The following MKLN1 variants were observed in gnomAD, a reference collection of about 807,000 sequenced individuals.
MKLN1 encodes muskelin.
Under a neutral mutation model 99.0 loss-of-function variants are expected in MKLN1, and 18 were observed. The observed-to-expected ratio is 0.18, with a 90% CI of 0.13 to 0.27. The LOEUF is 0.27. Among genes scored for constraint, MKLN1 ranks in the 10% least tolerant of loss-of-function variants. The pLI, the probability that MKLN1 is intolerant of heterozygous loss-of-function variation, is 1.00. For synonymous variants in MKLN1, 288 were observed against 293.2 expected, an observed-to-expected ratio of 0.98 and a Z score of 0.18; for missense variants, 621 against 875.9, an observed-to-expected ratio of 0.71 and a Z score of 3.67.
chr7:131,370,408 A>G (rs1800311973), intron 1 of MKLN1, among the ~76,000 whole-genome samples: 1 of 146,948 alleles, frequency 6.8e-6, no homozygotes, highest in African/African-American at 2.5e-5. Context: ...TAAAGTCTTT[A>G]ATTCTTACTT....
chr7:131,430,298 T>TTA (rs1795485530), intron 9 of MKLN1, among the ~76,000 whole-genome samples: 1 of 152,078 alleles, frequency 6.6e-6, no homozygotes, highest in Non-Finnish European at 1.5e-5. Flanking sequence ...GTCCAGGGAT[T>TTA]AATCACTGGA....
intron 16 of MKLN1, among the ~76,000 whole-genome samples, chr7:131,476,514 T>C (rs1019774172): frequency 1.3e-5 from 2 of 152,086 alleles, no homozygotes; most frequent in Non-Finnish European, 2.9e-5. Context: ...AGTGAACAAT[T>C]AGAAAATGAA....
chr7:131,356,162 A>T (rs1402381557), intron 1 of MKLN1, among the ~76,000 whole-genome samples: 1 of 149,644 alleles, frequency 6.7e-6, no homozygotes, highest in African/African-American at 2.5e-5. Flanking sequence ...CGGCAGCTTG[A>T]CCTCTTGACT....
intron 6 of MKLN1, among the ~76,000 whole-genome samples, chr7:131,403,079 A>T (rs1231139874): frequency 6.6e-6 from 1 of 152,190 alleles, no homozygotes; most frequent in Non-Finnish European, 1.5e-5. Flanking sequence ...TTCTTCCAAT[A>T]GAAGTCTATT....
At chr7:131,376,281 A>G (rs371803988) in intron 2 of MKLN1, among the ~76,000 whole-genome samples, 2 of 149,772 alleles carry the variant, frequency 1.3e-5, no homozygotes, top group East Asian at 3.9e-4. Flanking sequence ...TCTGGTGCAT[A>G]AGGAGGCGAG....
chr7:131,278,293 C>T (rs1051067986), intron 3 of MKLN1, among the ~76,000 whole-genome samples: 1 of 152,166 alleles, frequency 6.6e-6, no homozygotes, highest in Non-Finnish European at 1.5e-5. Context: ...CCACCTCGGC[C>T]TTCCAAAATG....
intron 2 of MKLN1, among the ~76,000 whole-genome samples, chr7:131,191,717 CTT>C (rs566378729): frequency 1.0e-4 from 14 of 137,760 alleles, no homozygotes; most frequent in East Asian, 2.0e-4. Flanking sequence ...CTTTTTTTTC[CTT>C]TTTTTTTTTT....
intron 16 of MKLN1, among the ~76,000 whole-genome samples, chr7:131,474,740 C>A (rs1562884807): frequency 6.6e-6 from 1 of 151,846 alleles, no homozygotes; most frequent in African/African-American, 2.4e-5. Flanking sequence ...ATTGATAAAC[C>A]CCAAGCAAGA....
intron 2 of MKLN1, among the ~76,000 whole-genome samples, chr7:131,383,702 T>C (rs563514260): frequency 1.4e-3 from 220 of 152,332 alleles, no homozygotes; most frequent in African/African-American, 4.8e-3. Flanking sequence ...TACCCTGTTA[T>C]TGAAGTCAGA....
At chr7:131,444,813 GTAGTAGTA>G (rs1795959815) in intron 11 of MKLN1, among the ~76,000 whole-genome samples, 2 of 149,480 alleles carry the variant, frequency 1.3e-5, no homozygotes, top group Non-Finnish European at 3.0e-5. Flanking sequence ...AGTAGTAGTA[GTAGTAGTA>G]GAAGTGGAAG....
intron 9 of MKLN1, among the ~76,000 whole-genome samples, chr7:131,435,703 C>G (rs563768178): frequency 8.7e-4 from 133 of 152,122 alleles, no homozygotes; most frequent in African/African-American, 3.1e-3. Flanking sequence ...AGTATTCTCT[C>G]TCTTTTCATT....
rs959185610 is a variant in MKLN1 at position 131,487,981 on chromosome 7, AT to A, written c.*259del. On this transcript the variant is annotated 3_prime_UTR_variant, in exon 18 of 18. Coordinates refer to ENST00000352689, the MANE Select transcript of MKLN1 (RefSeq NM_013255.5). This position sits in a 1 kb window ranked among gnomAD's most constrained non-coding sequence, Gnocchi z 4.7. ...TCCAGTTAAATATATATATATATAT[AT>A]TTTTTCTTACTTTATCTTTTAAGAA... 8 of 169,734 alleles carry A rather than the reference AT, an allele frequency of 4.7e-5. No individual in the cohort carries two copies. Among genetic ancestry groups the A allele is most frequent in the African/African-American group, 9.6e-5 (4 of 41,656 alleles). The allele number at this position is 169,734 out of a possible 1,614,324, so 10.5% of individuals were successfully genotyped here. A position where few individuals can be genotyped will look rare whatever the true frequency, so the allele number is the denominator to read the frequency against.
intron 6 of MKLN1, among the ~76,000 whole-genome samples, chr7:131,403,348 G>A (rs1165651270): frequency 6.6e-6 from 1 of 152,154 alleles, no homozygotes; most frequent in Non-Finnish European, 1.5e-5. Flanking sequence ...TTAAGGCCAT[G>A]CTTTAGATTA....
At chr7:131,417,467 C>T (rs1033479452) in intron 8 of MKLN1, among the ~76,000 whole-genome samples, 1 of 152,246 alleles carries the variant, frequency 6.6e-6, no homozygotes, top group South Asian at 2.1e-4. Flanking sequence ...ATTTAATATA[C>T]AGTTGTCTGT....
At chr7:131,363,526 C>T (rs1439664372) in intron 1 of MKLN1, among the ~76,000 whole-genome samples, 2 of 152,040 alleles carry the variant, frequency 1.3e-5, no homozygotes, top group Non-Finnish European at 2.9e-5. Context: ...ATCTGCCTCT[C>T]TCAGTTTTCC....
chr7:131,115,547 T>G (rs943926362), intron 1 of MKLN1, among the ~76,000 whole-genome samples: 5 of 152,160 alleles, frequency 3.3e-5, no homozygotes, highest in African/African-American at 1.2e-4. Context: ...AATCAGATCA[T>G]GTGATTTCTC....
intron 3 of MKLN1, among the ~76,000 whole-genome samples, chr7:131,305,712 C>T (rs905621980): frequency 6.6e-6 from 1 of 152,102 alleles, no homozygotes; most frequent in African/African-American, 2.4e-5. Flanking sequence ...TTTTATTTTG[C>T]CCCACCAGAA....
At chr7:131,363,624 C>G (rs144030729) in intron 1 of MKLN1, among the ~76,000 whole-genome samples, 18 of 152,104 alleles carry the variant, frequency 1.2e-4, no homozygotes, top group African/African-American at 4.1e-4. Context: ...TTTCCCATCA[C>G]CAGCATTTGA....
intron 3 of MKLN1, among the ~76,000 whole-genome samples, chr7:131,209,920 C>A: frequency 6.6e-6 from 1 of 151,820 alleles, no homozygotes; most frequent in African/African-American, 2.4e-5. Context: ...GATTAAAGAC[C>A]AATACATGAG....
Sources: gnomAD v4.1 joint callset for allele counts (sites outside exome capture counted in the v4.1 genomes callset) on GRCh38, gnomAD v4.1.1 for gene constraint, Gnocchi (gnomAD v3.1) non-coding constraint, MANE v1.5 for transcripts, NCBI Gene and HGNC (gene_info 2026-07-23, HGNC 2026-07-21) for gene names.